TESMIN: variants seen among roughly 807,000 people sequenced by gnomAD.
TESMIN encodes testis expressed metallothionein like protein, also known as CXC domain containing 2.
TESMIN carries 34 observed loss-of-function variants against 47.4 expected under a neutral mutation model. That is an observed-to-expected ratio of 0.72 (90% CI 0.55 to 0.96). TESMIN has a LOEUF of 0.96. Ranked by LOEUF, TESMIN falls within the 40% of genes least tolerant of loss-of-function variation. The probability of loss-of-function intolerance (pLI) is 0.00; values close to 1 mark genes in which losing one functional copy is unlikely to be tolerated. For synonymous variants in TESMIN, 278 were observed against 258.9 expected, an observed-to-expected ratio of 1.07 and a Z score of -0.71; for missense variants, 610 against 637.2, an observed-to-expected ratio of 0.96 and a Z score of 0.46.
chr11:68,724,467 T>C (rs766752200), intron 6 of TESMIN, among the ~76,000 whole-genome samples: 10 of 152,160 alleles, frequency 6.6e-5, no homozygotes, highest in Non-Finnish European at 1.0e-4. Context: ...GTGGCAGCAA[T>C]TGTAGTGGAG....
At chr11:68,748,134 A>G (rs897172570) in intron 2 of TESMIN, among the ~76,000 whole-genome samples, 7 of 152,230 alleles carry the variant, frequency 4.6e-5, no homozygotes, top group Admixed American at 3.9e-4. Flanking sequence ...GAGCCCTTCC[A>G]AAAAGATGGT....
At chr11:68,737,414 C>T (rs1220706018) in intron 6 of TESMIN, 5 of 985,444 alleles carry the variant, frequency 5.1e-6, no homozygotes, top group East Asian at 1.1e-4. Context: ...TAGCGTTGAT[C>T]GGTTCCAGTG....
intron 9 of TESMIN, among the ~76,000 whole-genome samples, chr11:68,710,278 T>C (rs1030580878): frequency 6.6e-6 from 1 of 152,252 alleles, no homozygotes; most frequent in African/African-American, 2.4e-5. Flanking sequence ...TATCATGATA[T>C]GACCATTACA....
rs201919206 is a variant in TESMIN, at chr11:68,738,726, T to C, written c.891A>G (p.Pro297=). 6.6e-5 allele frequency: 107 copies of C among 1,614,004 alleles called. 1 individual carries two copies. The highest frequency in any genetic ancestry group is 8.5e-5 in the Non-Finnish European group (100 of 1,179,982). ...CAGCCAAAGTTATTTTTGGTGGTCCTGGAAGAGTTGATCCCGAGGGGAAAG... is the reference window on the plus strand; with the variant it reads ...CAGCCAAAGTTATTTTTGGTGGTCCCGGAAGAGTTGATCCCGAGGGGAAAG... ...GSAFPSGSTL[P]GPPKITLAGY... Residue 297 remains proline, a synonymous_variant, in exon 6 of 10, where the codon CCA becomes CCG. Transcript: ENST00000255087.
At chr11:68,712,874 C>T (rs1946089427) in intron 8 of TESMIN, among the ~76,000 whole-genome samples, 1 of 152,140 alleles carries the variant, frequency 6.6e-6, no homozygotes, top group African/African-American at 2.4e-5. Context: ...GCCAAACTGT[C>T]CCCCACGGCC....
intron 6 of TESMIN, among the ~76,000 whole-genome samples, chr11:68,723,003 C>T (rs1212223452): frequency 6.6e-6 from 1 of 152,086 alleles, no homozygotes; most frequent in Non-Finnish European, 1.5e-5. Context: ...ACATAAAAAT[C>T]ACACAAAATT....
chr11:68,741,981 G>A lies in TESMIN; in HGVS notation c.828+337C>T, dbSNP rs138073598. ...TTTAAAAAAGTATTTCCATAACACT[G>A]AGGAGGGTGAGGAGCGTTCTGGACC... On this transcript the variant is annotated intron_variant, in intron 5 of 9. Coordinates refer to ENST00000255087, the MANE Select transcript of TESMIN (RefSeq NM_004923.3). 6.2e-4 allele frequency among the ~76,000 whole-genome samples: 95 copies of A among 152,376 alleles called. 1 individual carries two copies. The highest frequency in any genetic ancestry group is 2.2e-3 in the African/African-American group (92 of 41,596).
Position 68,750,715 on chromosome 11 carries a change from A to G in TESMIN, c.-39-16T>C. On this transcript the variant is annotated splice_polypyrimidine_tract_variant and intron_variant, in intron 1 of 9. Coordinates refer to ENST00000255087, the MANE Select transcript of TESMIN (RefSeq NM_004923.3). Reference sequence around the variant, plus strand: ...GGCCGCGCACCTGCAACACGCGGCCAGGTGAGAGGCAGCCAGAGGAGAGGA... The same window carrying G: ...GGCCGCGCACCTGCAACACGCGGCCGGGTGAGAGGCAGCCAGAGGAGAGGA... 7.9e-7 allele frequency: 1 copy of G among 1,262,964 alleles called. No homozygotes were observed. The highest frequency in any genetic ancestry group is 3.0e-5 in the East Asian group (1 of 33,046). 78.2% of individuals were successfully genotyped at this position (1,262,964 alleles called of 1,614,324 possible).
At chr11:68,742,116 TGAA>T (rs1366469656) in intron 5 of TESMIN, among the ~76,000 whole-genome samples, 199 bp downstream of exon 5, 1 of 152,196 alleles carries the variant, frequency 6.6e-6, no homozygotes, top group Non-Finnish European at 1.5e-5. Flanking sequence ...ATCAAGTTGG[TGAA>T]GAATAACTGT....
chr11:68,736,687 G>A, intron 6 of TESMIN: 1 of 982,052 alleles, frequency 1.0e-6, no homozygotes, highest in African/African-American at 1.8e-5. Flanking sequence ...GAAATATTTT[G>A]TAACATTCAA....
chr11:68,708,377 C>T lies in TESMIN; in HGVS notation c.1458G>A (p.Glu486=). 6.2e-7 allele frequency: 1 copy of T among 1,614,076 alleles called. No homozygotes were observed. ...TCTGTGATAAGCACCTTCCAAATTCCTCCAGGATCATCTGCTCTGCCAGGC... is the reference window on the plus strand; with the variant it reads ...TCTGTGATAAGCACCTTCCAAATTCTTCCAGGATCATCTGCTCTGCCAGGC... ...SKCLAEQMIL[E]EFGRCLSQIL... The change falls in exon 10 of 10, where the codon GAG becomes GAA. Residue 486 remains glutamate (E), a synonymous_variant. Transcript: ENST00000255087.
chr11:68,708,116 C>T lies in TESMIN; in HGVS notation c.*192G>A, dbSNP rs1946017954. On this transcript the variant is annotated 3_prime_UTR_variant, in exon 10 of 10. Coordinates refer to ENST00000255087, the MANE Select transcript of TESMIN (RefSeq NM_004923.3). ...CTGGGCCAGACAAACAATGCTCAGG[C>T]CATGCACCTCCTCAGAAAAGGGGGC... is the stretch of plus-strand genomic sequence containing the variant. 1 of 587,772 alleles carries T rather than the reference C, an allele frequency of 1.7e-6. No homozygotes were observed. The allele number at this position is 587,772 out of a possible 1,614,324, so 36.4% of individuals were successfully genotyped here. A position where few individuals can be genotyped will look rare whatever the true frequency, so the allele number is the denominator to read the frequency against.
At chr11:68,731,283 C>G (rs765050046) in intron 6 of TESMIN, among the ~76,000 whole-genome samples, 1 of 152,078 alleles carries the variant, frequency 6.6e-6, no homozygotes, top group African/African-American at 2.4e-5. Flanking sequence ...AAAAAATTAG[C>G]TGGGCATGAG....
chr11:68,741,462 C>A (rs1946455363), intron 5 of TESMIN, among the ~76,000 whole-genome samples: 1 of 152,230 alleles, frequency 6.6e-6, no homozygotes, highest in Non-Finnish European at 1.5e-5. Context: ...CCCCATCCCC[C>A]CAATCCGCTT....
At position 68,747,256 on chromosome 11, in the gene TESMIN, T is replaced by C. The variant is rs528723962; in HGVS notation, c.582A>G (p.Glu194=). 3.0e-5 allele frequency: 49 copies of C among 1,614,158 alleles called. 1 individual carries two copies. The East Asian group carries it at 1.0e-3, about 34-fold the overall frequency. ...ESCCKFPSSQ[E]LEDASCCSLK... ...GAGAACAGCAGGAGGCATCCTCTAGTTCCTGGGACGATGGGAACTTGCAAC... is the reference window on the plus strand; with the variant it reads ...GAGAACAGCAGGAGGCATCCTCTAGCTCCTGGGACGATGGGAACTTGCAAC... The change falls in exon 3 of 10, where the codon GAA becomes GAG. Residue 194 remains glutamate (E), a synonymous_variant. Coordinates refer to ENST00000255087, the MANE Select transcript of TESMIN (RefSeq NM_004923.3).
At chr11:68,718,728 G>C (rs1184109059) in intron 6 of TESMIN, among the ~76,000 whole-genome samples, 1 of 152,174 alleles carries the variant, frequency 6.6e-6, no homozygotes, top group East Asian at 1.9e-4. Flanking sequence ...TATGGTTCTA[G>C]AAAGTATAAA....
At chr11:68,715,771 T>C (rs1257340878) in intron 7 of TESMIN, 66 bp downstream of exon 7, 1 of 1,185,874 alleles carries the variant, frequency 8.4e-7, no homozygotes, top group Non-Finnish European at 1.2e-6. Context: ...CTGAAGGTGA[T>C]TTTATGAACA....
chr11:68,741,258 T>C (rs1280574181), intron 5 of TESMIN, among the ~76,000 whole-genome samples: 1 of 152,078 alleles, frequency 6.6e-6, no homozygotes, highest in African/African-American at 2.4e-5. Context: ...GCTCACACTA[T>C]CCCAGGCCCA....
intron 7 of TESMIN, among the ~76,000 whole-genome samples, chr11:68,714,489 C>T (rs915527603): frequency 3.3e-5 from 5 of 152,228 alleles, no homozygotes; most frequent in Non-Finnish European, 5.9e-5. Context: ...GCTCTTCAGA[C>T]ATAGAGGGCT....
Sources: gnomAD v4.1 joint callset for allele counts (sites outside exome capture counted in the v4.1 genomes callset) on GRCh38, gnomAD v4.1.1 for gene constraint, MANE v1.5 for transcripts, NCBI Gene and HGNC (gene_info 2026-07-23, HGNC 2026-07-21) for gene names.